The following TAAR5 variants were observed in gnomAD, a reference collection of about 807,000 sequenced individuals.
The protein encoded by TAAR5 is trace amine-associated receptor 5.
In TAAR5, 27 loss-of-function variants were observed where a neutral mutation model predicts 21.1. The observed-to-expected ratio is 1.28, with a 90% CI of 0.94 to 1.76. TAAR5 has a LOEUF of 1.76. Among genes scored for constraint, TAAR5 ranks in the 40% most tolerant of loss-of-function variants. The pLI is 0.00. For synonymous variants in TAAR5, 203 were observed against 167.5 expected (o/e 1.21, Z -1.64); for missense variants, 495 against 405.6 (o/e 1.22, Z -1.89).
the TAAR5 span, among the ~76,000 whole-genome samples, chr6:132,598,571 G>A: frequency 6.6e-6 from 1 of 152,126 alleles, no homozygotes; most frequent in African/African-American, 2.4e-5. Flanking sequence ...GGAACTTGGG[G>A]CCACACTATT....
At chr6:132,606,152 A>G in the TAAR5 span, among the ~76,000 whole-genome samples, 1 of 152,184 alleles carries the variant, frequency 6.6e-6, no homozygotes, top group Non-Finnish European at 1.5e-5. Context: ...CCTGGAGTTC[A>G]CTATACTCAC....
the TAAR5 span, among the ~76,000 whole-genome samples, chr6:132,612,938 G>A: frequency 3.3e-5 from 5 of 152,100 alleles, no homozygotes; most frequent in African/African-American, 4.8e-5. Flanking sequence ...TCACAGTCAC[G>A]ACATTTAAGC....
the TAAR5 span, among the ~76,000 whole-genome samples, chr6:132,604,566 C>T: frequency 8.2e-4 from 124 of 152,030 alleles, 1 homozygote; most frequent in Non-Finnish European, 1.4e-3. Context: ...ATAGGGCAAA[C>T]GGGGTGAATG....
At chr6:132,601,182 AAG>A in the TAAR5 span, among the ~76,000 whole-genome samples, 4 of 152,248 alleles carry the variant, frequency 2.6e-5, no homozygotes, top group Non-Finnish European at 2.9e-5. Context: ...GAGACAAAGA[AAG>A]AAAAAACACA....
At chr6:132,603,876 T>A in the TAAR5 span, among the ~76,000 whole-genome samples, 1 of 152,086 alleles carries the variant, frequency 6.6e-6, no homozygotes, top group South Asian at 2.1e-4. Context: ...TCAAATAAAA[T>A]ATTAAGGGAA....
Position 132,588,703 on chromosome 6 carries a change from C to A in TAAR5, c.984G>T (p.Gln328His). 2 of 1,613,712 alleles carry A rather than the reference C, an allele frequency of 1.2e-6. No homozygotes were observed. Among genetic ancestry groups the A allele is most frequent in the African/African-American group, 2.7e-5 (2 of 74,994 alleles). ...LTLSQKVFSP[Q>H]TRTVDLYQE ...CTTGGTACAAATCAACAGTGCGTGT[C>A]TGCGGTGAGAAGACCTTCTGGCTCA... The change falls in exon 1 of 1, where the codon CAG (glutamine) becomes CAT (histidine). Residue 328 changes from glutamine to histidine, a missense_variant. Gln to His is a conservative substitution (Grantham distance 24). Coordinates refer to ENST00000258034, the MANE Select transcript of TAAR5 (RefSeq NM_003967.3).
chr6:132,601,897 A>G, the TAAR5 span, among the ~76,000 whole-genome samples: 1 of 152,220 alleles, frequency 6.6e-6, no homozygotes, highest in Admixed American at 6.5e-5. Flanking sequence ...AGAAGTGTCT[A>G]CCTCTGAGGA....
chr6:132,613,766 C>T, the TAAR5 span, among the ~76,000 whole-genome samples: 3 of 152,142 alleles, frequency 2.0e-5, no homozygotes, highest in Non-Finnish European at 2.9e-5. Context: ...CACAGCCTTC[C>T]AGGATGAATA....
the TAAR5 span, among the ~76,000 whole-genome samples, chr6:132,604,666 A>G: frequency 6.6e-6 from 1 of 152,202 alleles, no homozygotes; most frequent in Non-Finnish European, 1.5e-5. Context: ...CAAATTGAGT[A>G]CGTACAAAAC....
At chr6:132,604,146 C>CTTTTTTTTTTTTTTTTTTT in the TAAR5 span, among the ~76,000 whole-genome samples, 1 of 126,004 alleles carries the variant, frequency 7.9e-6, no homozygotes, top group East Asian at 2.2e-4. Flanking sequence ...TTTTTCTTTT[C>CTTTTTTTTTTTTTTTTTTT]TTTTTTTTTT....
chr6:132,601,016 G>C, the TAAR5 span, among the ~76,000 whole-genome samples: 1 of 35,432 alleles, frequency 2.8e-5, no homozygotes, highest in Admixed American at 2.0e-4. Context: ...AAGGAAGGAA[G>C]GGGGGAAGGA....
chr6:132,590,784 G>A (rs112738176), upstream of TAAR5, among the ~76,000 whole-genome samples: 2,961 of 152,262 alleles, frequency 0.019, 43 homozygotes, highest in Middle Eastern at 0.058. Flanking sequence ...AAAGACGGTG[G>A]ATGTATATAT....
At chr6:132,602,848 A>T in the TAAR5 span, among the ~76,000 whole-genome samples, 12 of 51,390 alleles carry the variant, frequency 2.3e-4, no homozygotes, top group East Asian at 5.3e-4. Flanking sequence ...GCTATGGATT[A>T]AAAAAAAAAT....
At chr6:132,608,086 T>A in the TAAR5 span, 1 of 328,012 alleles carries the variant, frequency 3.0e-6, no homozygotes, top group African/African-American at 2.2e-5. Context: ...TCAAAGATAG[T>A]GAATGTACCT....
chr6:132,602,022 A>C, the TAAR5 span, among the ~76,000 whole-genome samples: 1 of 151,988 alleles, frequency 6.6e-6, no homozygotes, highest in African/African-American at 2.4e-5. Flanking sequence ...GAATGTGCTG[A>C]ATTTTTTAAA....
At chr6:132,599,120 C>T in the TAAR5 span, among the ~76,000 whole-genome samples, 1 of 152,172 alleles carries the variant, frequency 6.6e-6, no homozygotes, top group South Asian at 2.1e-4. Flanking sequence ...AACAAGGCTT[C>T]AACACAATTG....
chr6:132,596,472 C>T, the TAAR5 span, among the ~76,000 whole-genome samples: 4 of 152,120 alleles, frequency 2.6e-5, no homozygotes, highest in East Asian at 1.9e-4. Context: ...CCCACAAGCA[C>T]ATCCTCACCA....
chr6:132,611,668 G>A, the TAAR5 span, among the ~76,000 whole-genome samples: 8 of 152,100 alleles, frequency 5.3e-5, no homozygotes, highest in Non-Finnish European at 1.2e-4. Context: ...AGGAAATAGC[G>A]GAAGCAAGTT....
At chr6:132,607,168 C>T in the TAAR5 span, among the ~76,000 whole-genome samples, 1 of 152,008 alleles carries the variant, frequency 6.6e-6, no homozygotes, top group Non-Finnish European at 1.5e-5. Flanking sequence ...GGACTCCAGC[C>T]CGGGTGACAG....
Sources: allele counts gnomAD v4.1 joint callset (sites outside exome capture counted in the v4.1 genomes callset), GRCh38; gene constraint gnomAD v4.1.1; transcripts MANE v1.5; gene names NCBI Gene and HGNC (gene_info 2026-07-23, HGNC 2026-07-21).